TENT5C: variants seen among roughly 807,000 people sequenced by gnomAD.
TENT5C encodes the protein family with sequence similarity 46 member C.
Under a neutral mutation model 22.2 loss-of-function variants are expected in TENT5C, and 5 were observed. The observed-to-expected ratio is 0.22, with a 90% CI of 0.12 to 0.47. TENT5C has a LOEUF of 0.47. Ranked by LOEUF, TENT5C falls within the 20% of genes least tolerant of loss-of-function variation. The pLI is 0.99. For missense variants in TENT5C, 364 were observed against 500.9 expected (o/e 0.73, Z 2.61); for synonymous variants, 199 against 195.4 (o/e 1.02, Z -0.15).
At chr1:117,613,775 A>G (rs1290673449) in intron 1 of TENT5C, among the ~76,000 whole-genome samples, 2 of 152,224 alleles carry the variant, frequency 1.3e-5, no homozygotes, top group Non-Finnish European at 2.9e-5. Flanking sequence ...CGCTGGCTGA[A>G]TGCAATGGAG....
rs776584098 is a variant in TENT5C, at chr1:117,624,061, T to G, written c.*17T>G. On this transcript the variant is annotated 3_prime_UTR_variant, in exon 2 of 2. Transcript: ENST00000369448. ...TGTAACTAACCTTGAGACCTGAGGG[T>G]TTCCACAGTGGGAACCCCAATAGGG... 1.0e-5 allele frequency: 16 copies of G among 1,595,916 alleles called. No individual in the cohort carries two copies. The highest frequency in any genetic ancestry group is 1.3e-5 in the Non-Finnish European group (15 of 1,169,578).
At chr1:117,614,611 A>G (rs573619584) in intron 1 of TENT5C, among the ~76,000 whole-genome samples, 7 of 152,150 alleles carry the variant, frequency 4.6e-5, no homozygotes, top group African/African-American at 1.4e-4. Context: ...GGCTTCTTTG[A>G]TCTGAGAAGG....
At chr1:117,614,764 G>A (rs1285879312) in intron 1 of TENT5C, among the ~76,000 whole-genome samples, 2 of 152,086 alleles carry the variant, frequency 1.3e-5, no homozygotes, top group East Asian at 3.9e-4. Flanking sequence ...TCTGGATCAG[G>A]ATCAGCCCAT....
chr1:117,620,879 A>AAAC (rs1222216977), intron 1 of TENT5C, among the ~76,000 whole-genome samples: 2 of 152,214 alleles, frequency 1.3e-5, no homozygotes, highest in African/African-American at 4.8e-5. Context: ...GTCTTCCACA[A>AAAC]AACTGGTTCC....
chr1:117,625,776 A>T lies in TENT5C; in HGVS notation c.*1732A>T. Reference sequence around the variant, plus strand: ...ATTTTCAAGTTTATTCTGGAATGTGATGTCTTGGTCCTCTTAAAAGCAGAT... The same window carrying T: ...ATTTTCAAGTTTATTCTGGAATGTGTTGTCTTGGTCCTCTTAAAAGCAGAT... On this transcript the variant is annotated 3_prime_UTR_variant, in exon 2 of 2. Coordinates refer to ENST00000369448, the MANE Select transcript of TENT5C (RefSeq NM_017709.4). 1 of 247,978 alleles carries T rather than the reference A, an allele frequency of 4.0e-6. No individual in the cohort carries two copies. Among genetic ancestry groups the T allele is most frequent in the East Asian group, 6.0e-5 (1 of 16,574 alleles). The allele number at this position is 247,978 out of a possible 1,614,324, so 15.4% of individuals were successfully genotyped here. A position where few individuals can be genotyped will look rare whatever the true frequency, so the allele number is the denominator to read the frequency against.
intron 1 of TENT5C, among the ~76,000 whole-genome samples, chr1:117,607,432 A>C (rs1653566134): frequency 1.3e-5 from 2 of 152,222 alleles, no homozygotes; most frequent in Admixed American, 1.3e-4. Flanking sequence ...TATAGTAAGA[A>C]AGCTTTTATA....
intron 1 of TENT5C, among the ~76,000 whole-genome samples, chr1:117,611,248 A>G (rs959114210): frequency 6.6e-6 from 1 of 152,228 alleles, no homozygotes; most frequent in African/African-American, 2.4e-5. Context: ...AGAAGCAGAG[A>G]TGACGCGTAC....
intron 1 of TENT5C, among the ~76,000 whole-genome samples, chr1:117,611,194 G>A (rs1421947950): frequency 6.6e-6 from 1 of 152,206 alleles, no homozygotes; most frequent in Non-Finnish European, 1.5e-5. Context: ...CGTCATTCCT[G>A]TGGAATAACT....
At position 117,624,164 on chromosome 1, in the gene TENT5C, CTTTTT is replaced by C; in HGVS notation, c.*132_*136del. Reference sequence around the variant, plus strand: ...AAAGGGGAACTCAGCTCTGATTCTGCTTTTTTTTTTTTTTTTCCTTTGTGTACCCA... The same window carrying C: ...AAAGGGGAACTCAGCTCTGATTCTGCTTTTTTTTTTTCCTTTGTGTACCCA... On this transcript the variant is annotated 3_prime_UTR_variant, in exon 2 of 2. Transcript: ENST00000369448. The C allele has an allele frequency of 4.8e-6, 3 of 628,454 alleles. No homozygotes were observed. Among genetic ancestry groups the C allele is most frequent in the Non-Finnish European group, 5.3e-6 (2 of 379,232 alleles). The allele number at this position is 628,454 out of a possible 1,614,324, so 38.9% of individuals were successfully genotyped here. A position where few individuals can be genotyped will look rare whatever the true frequency, so the allele number is the denominator to read the frequency against.
intron 1 of TENT5C, among the ~76,000 whole-genome samples, chr1:117,607,103 A>G (rs1399142258): frequency 6.6e-6 from 1 of 152,120 alleles, no homozygotes; most frequent in Non-Finnish European, 1.5e-5. Flanking sequence ...TTACCTGAAG[A>G]ATACAGGTTG....
chr1:117,614,078 A>G (rs1343213642), intron 1 of TENT5C, among the ~76,000 whole-genome samples: 2 of 152,192 alleles, frequency 1.3e-5, no homozygotes, highest in Non-Finnish European at 2.9e-5. Flanking sequence ...AGTGTCTGTT[A>G]TCTGTAACTT....
rs538158859 is a variant in TENT5C, at chr1:117,623,772, A to C, written c.904A>C (p.Ser302Arg). 4 of 1,614,192 alleles carry C rather than the reference A, an allele frequency of 2.5e-6. No homozygotes were observed. Among genetic ancestry groups the C allele is most frequent in the Non-Finnish European group, 3.4e-6 (4 of 1,180,044 alleles). The change falls in exon 2 of 2, where the codon AGC becomes CGC. Residue 302 changes from serine (S) to arginine (R), a missense_variant. Physicochemically the swap from Ser to Arg is moderately radical, Grantham distance 110 (BLOSUM62 -1). Coordinates refer to ENST00000369448, the MANE Select transcript of TENT5C (RefSeq NM_017709.4). ...AAACCACTTCGCTGAAGAAGAGAGA[A>C]GCAAGTACGACTACCTCATGATCCT... ...LQNHFAEEER[S>R]KYDYLMILRR...
chr1:117,623,487 C>T lies in TENT5C; in HGVS notation c.619C>T (p.His207Tyr). Residue 207 changes from histidine to tyrosine, a missense_variant, in exon 2 of 2, where the codon CAC becomes TAC. Coordinates refer to ENST00000369448, the MANE Select transcript of TENT5C (RefSeq NM_017709.4). ...CAATAATCCCATCTCTGAGCACTTCCACCCCACCGTGATTGGGGAGAGCAT... is the reference window on the plus strand; with the variant it reads ...CAATAATCCCATCTCTGAGCACTTCTACCCCACCGTGATTGGGGAGAGCAT... ...CSNNPISEHF[H>Y]PTVIGESMYG... 6.2e-7 allele frequency: 1 copy of T among 1,614,072 alleles called. No homozygotes were observed. The highest frequency in any genetic ancestry group is 8.5e-7 in the Non-Finnish European group (1 of 1,180,018).
intron 1 of TENT5C, among the ~76,000 whole-genome samples, chr1:117,609,424 A>C (rs1303536254): frequency 6.6e-6 from 1 of 152,128 alleles, no homozygotes; most frequent in African/African-American, 2.4e-5. Flanking sequence ...GATGTTAAGC[A>C]ACTCTCTCCC....
intron 1 of TENT5C, among the ~76,000 whole-genome samples, chr1:117,612,357 T>C (rs1483248871): frequency 6.6e-6 from 1 of 151,916 alleles, no homozygotes; most frequent in Admixed American, 6.6e-5. Context: ...CTTTTTTTTT[T>C]TTTTTATAGT....
intron 1 of TENT5C, among the ~76,000 whole-genome samples, chr1:117,613,611 G>A (rs934126938): frequency 6.6e-6 from 1 of 152,156 alleles, no homozygotes; most frequent in Non-Finnish European, 1.5e-5. Context: ...CTTAAACAGC[G>A]GAGATCACAG....
rs544239656 is a variant in TENT5C at position 117,627,964 on chromosome 1, G to A, written c.*3920G>A. On this transcript the variant is annotated 3_prime_UTR_variant, in exon 2 of 2. Transcript: ENST00000369448. ...AATGCTTGGAGTTTTGCCTGGGCTA[G>A]TGAGAGTTGGTGCAAATTCTTGTGT... The A allele has an allele frequency of 3.0e-4, 74 of 248,112 alleles. 2 individuals are homozygous for A. In the Middle Eastern group the frequency reaches 3.8e-3, roughly 13 times the overall value. The allele number at this position is 248,112 out of a possible 1,614,324, so 15.4% of individuals were successfully genotyped here.
intron 1 of TENT5C, among the ~76,000 whole-genome samples, chr1:117,622,167 T>A (rs989129642): frequency 5.5e-4 from 84 of 152,128 alleles, no homozygotes; most frequent in African/African-American, 1.8e-3. Flanking sequence ...CAAGTACTTG[T>A]TAGGATAGAC....
chr1:117,620,908 G>A (rs957401959), intron 1 of TENT5C, among the ~76,000 whole-genome samples: 5 of 152,142 alleles, frequency 3.3e-5, no homozygotes, highest in Admixed American at 6.5e-5. Context: ...AAAAGGTTGG[G>A]GACCACTGGT....
Sources: allele counts gnomAD v4.1 joint callset (sites outside exome capture counted in the v4.1 genomes callset), GRCh38; gene constraint gnomAD v4.1.1; transcripts MANE v1.5; gene names NCBI Gene and HGNC (gene_info 2026-07-23, HGNC 2026-07-21).